Variants in TMEM135 observed in about 807,000 individuals in gnomAD.
The protein encoded by TMEM135 is peroxisomal membrane protein 52.
Under a neutral mutation model 60.3 loss-of-function variants are expected in TMEM135, and 30 were observed. The ratio of observed to expected loss-of-function variants is 0.50; its 90% CI spans 0.37 to 0.68. The LOEUF (loss-of-function observed/expected upper bound fraction) is 0.68. Ranked by LOEUF, TMEM135 falls within the 30% of genes least tolerant of loss-of-function variation. The probability of loss-of-function intolerance (pLI) is 0.00; values close to 1 mark genes in which losing one functional copy is unlikely to be tolerated. For missense variants in TMEM135, 468 were observed against 548.8 expected (o/e 0.85, Z 1.47); for synonymous variants, 190 against 186.7 (o/e 1.02, Z -0.14).
At chr11:87,285,814 A>G (rs967441105) in intron 6 of TMEM135, among the ~76,000 whole-genome samples, 2 of 152,048 alleles carry the variant, frequency 1.3e-5, no homozygotes, top group African/African-American at 4.8e-5. Context: ...TGATTGGTCC[A>G]TTTTACAGAC....
Position 87,197,950 on chromosome 11 carries a change from TA to T in TMEM135, c.463-38687del, listed in dbSNP as rs1237949996. 4.0e-5 allele frequency among the ~76,000 whole-genome samples: 6 copies of T among 148,280 alleles called. No homozygotes were observed. In the East Asian group the frequency reaches 9.7e-4, roughly 24 times the overall value. ...TAGTTTTTGGATACTTTTTTATTTTTATTTTTTTAGGTACATAATAGTTGTA... is the reference window on the plus strand; with the variant it reads ...TAGTTTTTGGATACTTTTTTATTTTTTTTTTTTAGGTACATAATAGTTGTA... On this transcript the variant is annotated intron_variant, in intron 5 of 14. Coordinates refer to ENST00000305494, the MANE Select transcript of TMEM135 (RefSeq NM_022918.4).
At chr11:87,249,001 G>A (rs2135388845) in intron 6 of TMEM135, among the ~76,000 whole-genome samples, 1 of 152,156 alleles carries the variant, frequency 6.6e-6, no homozygotes, top group African/African-American at 2.4e-5. Flanking sequence ...AATAGTTTTT[G>A]GTAGAGTCTT....
chr11:87,315,149 C>A (rs1203429119), intron 12 of TMEM135, among the ~76,000 whole-genome samples: 1 of 150,524 alleles, frequency 6.6e-6, no homozygotes, highest in Non-Finnish European at 1.5e-5. Flanking sequence ...GCTTTTCTTC[C>A]TCCTCCTCCT....
chr11:87,199,379 A>G (rs1940042573), intron 5 of TMEM135, among the ~76,000 whole-genome samples: 1 of 152,184 alleles, frequency 6.6e-6, no homozygotes, highest in South Asian at 2.1e-4. Flanking sequence ...TGCAGCTGCA[A>G]GATTAATTGT....
chr11:87,314,231 G>T (rs1298609867), intron 11 of TMEM135, among the ~76,000 whole-genome samples: 1 of 151,682 alleles, frequency 6.6e-6, no homozygotes, highest in Admixed American at 6.6e-5. Context: ...GAAATGTAAA[G>T]CTTCTTGTTA....
chr11:87,293,495 C>T (rs1942301787), intron 6 of TMEM135, among the ~76,000 whole-genome samples: 1 of 152,142 alleles, frequency 6.6e-6, no homozygotes, highest in East Asian at 1.9e-4. Flanking sequence ...AGCAGTCCTC[C>T]AACTTCCCTC....
chr11:87,184,615 G>T (rs1197128823), intron 5 of TMEM135, among the ~76,000 whole-genome samples: 2 of 152,124 alleles, frequency 1.3e-5, no homozygotes, highest in Non-Finnish European at 2.9e-5. Flanking sequence ...ATTTCATAGT[G>T]TGTGTAAGAT....
intron 6 of TMEM135, among the ~76,000 whole-genome samples, chr11:87,260,031 A>T (rs1941616021): frequency 6.6e-6 from 1 of 152,126 alleles, no homozygotes; most frequent in Non-Finnish European, 1.5e-5. Context: ...ACAGCTTAGG[A>T]CCTCTGAATC....
intron 3 of TMEM135, among the ~76,000 whole-genome samples, chr11:87,073,677 T>A (rs10898592): frequency 0.14 from 21,919 of 152,094 alleles, 1,653 homozygotes; most frequent in Non-Finnish European, 0.16. Flanking sequence ...ATTTTATTTT[T>A]TTTTTTTTGA....
intron 5 of TMEM135, among the ~76,000 whole-genome samples, chr11:87,165,521 C>T (rs1457785636): frequency 1.4e-5 from 2 of 143,054 alleles, no homozygotes; most frequent in Non-Finnish European, 3.0e-5. Context: ...TGTGTCTCTG[C>T]CTGGCTTTGG....
intron 5 of TMEM135, among the ~76,000 whole-genome samples, chr11:87,203,665 A>C (rs1445162382): frequency 6.6e-6 from 1 of 152,194 alleles, no homozygotes; most frequent in Non-Finnish European, 1.5e-5. Flanking sequence ...GCTCTAATAA[A>C]CATTTGTGTG....
Position 87,235,272 on chromosome 11 carries a change from A to G in TMEM135, c.463-1366A>G, listed in dbSNP as rs4474463. Among the ~76,000 whole-genome samples the G allele has an allele frequency of 9.2e-5, 14 of 151,642 alleles. No individual in the cohort carries two copies. The South Asian group carries it at 2.7e-3, about 29-fold the overall frequency. ...TGTTTTAAGTCAGTGGAGAAGAGAG[A>G]TGGAGAGAGGAAGGAAGGAGGGAAA... is the stretch of plus-strand genomic sequence containing the variant. On this transcript the variant is annotated intron_variant, in intron 5 of 14. Coordinates refer to ENST00000305494, the MANE Select transcript of TMEM135 (RefSeq NM_022918.4).
chr11:87,248,536 A>C (rs184863816), intron 6 of TMEM135, among the ~76,000 whole-genome samples: 1 of 152,254 alleles, frequency 6.6e-6, no homozygotes, highest in East Asian at 1.9e-4. Context: ...TGTAATTTGA[A>C]GTCAGGTAAT....
intron 1 of TMEM135, among the ~76,000 whole-genome samples, chr11:87,054,078 G>A (rs1949868818): frequency 6.6e-6 from 1 of 152,134 alleles, no homozygotes; most frequent in South Asian, 2.1e-4. Context: ...TATACTTGAG[G>A]GGAATCAATA....
intron 7 of TMEM135, among the ~76,000 whole-genome samples, chr11:87,298,786 C>CAAA (rs59740138): frequency 1.7e-5 from 1 of 57,714 alleles, no homozygotes; most frequent in Admixed American, 2.3e-4. Context: ...GACTCTGTCT[C>CAAA]AAAAAAAAAA....
intron 5 of TMEM135, among the ~76,000 whole-genome samples, chr11:87,230,257 A>G (rs1940861840): frequency 6.6e-6 from 1 of 152,122 alleles, no homozygotes. Flanking sequence ...AGCATAATGT[A>G]TTAATGTATT....
At chr11:87,068,925 G>C (rs1856719777) in intron 2 of TMEM135, among the ~76,000 whole-genome samples, 1 of 151,866 alleles carries the variant, frequency 6.6e-6, no homozygotes, top group Non-Finnish European at 1.5e-5. Context: ...AATTGATAAG[G>C]CTTTTATACT....
At chr11:87,228,229 G>T (rs1348640832) in intron 5 of TMEM135, among the ~76,000 whole-genome samples, 1 of 152,110 alleles carries the variant, frequency 6.6e-6, no homozygotes, top group Non-Finnish European at 1.5e-5. Flanking sequence ...TTCCCCTAGT[G>T]TGCTGGGACT....
intron 1 of TMEM135, among the ~76,000 whole-genome samples, chr11:87,064,156 T>C (rs368700095): frequency 1.4e-4 from 21 of 152,194 alleles, no homozygotes; most frequent in African/African-American, 4.8e-4. Flanking sequence ...CTTTATATTA[T>C]CAGTTCTTGG....
Sources: gnomAD v4.1 joint callset for allele counts (sites outside exome capture counted in the v4.1 genomes callset) on GRCh38, gnomAD v4.1.1 for gene constraint, MANE v1.5 for transcripts, NCBI Gene and HGNC (gene_info 2026-07-23, HGNC 2026-07-21) for gene names.